NIPA1: variants seen among roughly 807,000 people sequenced by gnomAD.
NIPA1 encodes the protein magnesium transporter NIPA1.
Under a neutral mutation model 23.9 loss-of-function variants are expected in NIPA1, and 13 were observed. The ratio of observed to expected loss-of-function variants is 0.54; its 90% CI spans 0.35 to 0.87. The LOEUF (loss-of-function observed/expected upper bound fraction) is 0.87. Among genes scored for constraint, NIPA1 ranks in the 40% least tolerant of loss-of-function variants. The pLI is 0.01. For synonymous variants in NIPA1, 234 were observed against 202.9 expected (o/e 1.15, Z -1.30); for missense variants, 362 against 429.7 (o/e 0.84, Z 1.39).
intron 3 of NIPA1, 131 bp downstream of exon 3, chr15:22,812,384 G>GCTTA: frequency 1.4e-6 from 1 of 698,934 alleles, no homozygotes; most frequent in Non-Finnish European, 2.6e-6. Context: ...GGGCATGGTG[G>GCTTA]CTTACGCCTG....
intron 1 of NIPA1, among the ~76,000 whole-genome samples, chr15:22,809,122 C>T (rs1176474508): frequency 6.6e-6 from 1 of 152,120 alleles, no homozygotes; most frequent in Admixed American, 6.5e-5. Flanking sequence ...CACGGTGATT[C>T]ACTCCTGTAA....
At chr15:22,818,881 C>T (rs1895477586) in intron 3 of NIPA1, among the ~76,000 whole-genome samples, 2 of 152,178 alleles carry the variant, frequency 1.3e-5, no homozygotes, top group Non-Finnish European at 2.9e-5. Context: ...CCTCGTGGCT[C>T]ATACTGTCCA....
At chr15:22,797,597 C>T (rs1329365905) in intron 1 of NIPA1, among the ~76,000 whole-genome samples, 1 of 145,422 alleles carries the variant, frequency 6.9e-6, no homozygotes, top group Non-Finnish European at 1.5e-5. Context: ...CTTCCACCTC[C>T]CGTTCAAGCA....
rs8025849 is a variant in NIPA1 at position 22,825,211 on chromosome 15, C to T, written c.*972C>T. On this transcript the variant is annotated 3_prime_UTR_variant, in exon 5 of 5. Transcript: ENST00000337435. ...GCCACACACCTGTACAGCATGTGAC[C>T]GCACTGAATACCGCAGGCAATTGTA... 0.65 allele frequency: 99,400 copies of T among 152,038 alleles called. 33,723 individuals are homozygous for T. Among genetic ancestry groups the T allele is most frequent in the South Asian group, 0.84 (4,054 of 4,826 alleles). The allele number at this position is 152,038 out of a possible 1,614,324, so 9.4% of individuals were successfully genotyped here.
rs1210093703 is a variant in NIPA1 at position 22,823,664 on chromosome 15, C to A, written c.479-64C>A. On this transcript the variant is annotated intron_variant, in intron 4 of 4. Transcript: ENST00000337435. ...GTGGGGGCCCGGGTGCTGCCCCAGT[C>A]CACCTCCTGGGTTGCGGCTGCTAGG... 3.3e-6 allele frequency: 5 copies of A among 1,523,748 alleles called. No individual in the cohort carries two copies. In the South Asian group the frequency reaches 5.9e-5, roughly 18 times the overall value. The allele number at this position is 1,523,748 out of a possible 1,614,324, so 94.4% of individuals were successfully genotyped here. A position where few individuals can be genotyped will look rare whatever the true frequency, so the allele number is the denominator to read the frequency against.
intron 1 of NIPA1, among the ~76,000 whole-genome samples, chr15:22,787,470 C>T (rs1894733391): frequency 6.6e-6 from 1 of 152,250 alleles, no homozygotes. Context: ...AAGTGATCTT[C>T]AGTTTGGAGA....
intron 1 of NIPA1, among the ~76,000 whole-genome samples, chr15:22,802,949 A>G (rs1045958006): frequency 3.3e-5 from 5 of 151,622 alleles, no homozygotes; most frequent in African/African-American, 4.8e-5. Context: ...CCTGTTGATG[A>G]ACTTTTTTTT....
At chr15:22,817,521 G>C (rs1357557216) in intron 3 of NIPA1, among the ~76,000 whole-genome samples, 1 of 135,758 alleles carries the variant, frequency 7.4e-6, no homozygotes, top group Non-Finnish European at 1.6e-5. Flanking sequence ...AAAAAATTAC[G>C]GCTGGGCACA....
intron 1 of NIPA1, among the ~76,000 whole-genome samples, chr15:22,795,949 T>TA (rs1555372208): frequency 6.6e-6 from 1 of 152,052 alleles, no homozygotes; most frequent in Admixed American, 6.6e-5. Flanking sequence ...ATTTTTTTTT[T>TA]AAGACAGGGT....
chr15:22,805,009 T>G (rs889212601), intron 1 of NIPA1, among the ~76,000 whole-genome samples: 4 of 151,848 alleles, frequency 2.6e-5, no homozygotes, highest in African/African-American at 4.8e-5. Flanking sequence ...CCTGGCTAAT[T>G]TTTTGCATTT....
chr15:22,787,894 T>A (rs1378424197), intron 1 of NIPA1, among the ~76,000 whole-genome samples: 1 of 152,186 alleles, frequency 6.6e-6, no homozygotes, highest in East Asian at 1.9e-4. Flanking sequence ...AATGAAAATA[T>A]AAAATCATGG....
chr15:22,819,851 T>G (rs1402652986), intron 3 of NIPA1, among the ~76,000 whole-genome samples: 1 of 152,190 alleles, frequency 6.6e-6, no homozygotes, highest in East Asian at 1.9e-4. Context: ...AATATAGTGG[T>G]GTAAATTATG....
intron 1 of NIPA1, among the ~76,000 whole-genome samples, chr15:22,798,303 G>A (rs1369128274): frequency 2.8e-5 from 4 of 143,066 alleles, no homozygotes; most frequent in African/African-American, 1.0e-4. Flanking sequence ...GCAGTGGCGC[G>A]ATCTCAGCTC....
Position 22,820,392 on chromosome 15 carries a change from T to C in NIPA1, c.397T>C (p.Ser133Pro). The C allele has an allele frequency of 6.2e-7, 1 of 1,610,476 alleles. No homozygotes were observed. Among genetic ancestry groups the C allele is most frequent in the Non-Finnish European group, 8.5e-7 (1 of 1,176,608 alleles). Residue 133 changes from serine to proline, a missense_variant, in exon 4 of 5, where the codon TCC becomes CCC. By Grantham distance (74) the Ser-to-Pro change is moderately conservative. Coordinates refer to ENST00000337435, the MANE Select transcript of NIPA1 (RefSeq NM_144599.5). ...GGGGTGCCTGCTAAGCTGTGCAGGC[T>C]CCGTCGTGCTGATTATCCACTCCCC... ...KLGCLLSCAG[S>P]VVLIIHSPKS...
chr15:22,798,084 T>G (rs1213653162), intron 1 of NIPA1, among the ~76,000 whole-genome samples: 1 of 151,508 alleles, frequency 6.6e-6, no homozygotes, highest in Non-Finnish European at 1.5e-5. Flanking sequence ...CCTTACCTTG[T>G]GATCCCCCCG....
At chr15:22,797,548 C>T (rs975320503) in intron 1 of NIPA1, among the ~76,000 whole-genome samples, 2 of 134,958 alleles carry the variant, frequency 1.5e-5, no homozygotes, top group African/African-American at 6.1e-5. Context: ...GCTCGTTTCC[C>T]AGGCCAGAGT....
At chr15:22,809,947 G>A (rs1019713805) in intron 1 of NIPA1, among the ~76,000 whole-genome samples, 1 of 152,222 alleles carries the variant, frequency 6.6e-6, no homozygotes, top group African/African-American at 2.4e-5. Context: ...GGAGGGTGAG[G>A]CAGGAGAATC....
At chr15:22,808,893 C>T (rs1895266407) in intron 1 of NIPA1, among the ~76,000 whole-genome samples, 1 of 152,002 alleles carries the variant, frequency 6.6e-6, no homozygotes, top group African/African-American at 2.4e-5. Flanking sequence ...TGACCTTGAA[C>T]TCCTAGGCTC....
At position 22,814,281 on chromosome 15, in the gene NIPA1, G is replaced by A. The variant is rs563789317; in HGVS notation, c.317+2028G>A. The A allele has an allele frequency of 9.6e-5, 27 of 280,734 alleles. 1 individual carries two copies. The highest frequency in any genetic ancestry group is 6.8e-4 in the Admixed American group (17 of 25,078). 17.4% of individuals were successfully genotyped at this position (280,734 alleles called of 1,614,324 possible). ...TTTTTTTTGTTTTTTTTTTTGAGAC[G>A]GAGTCTCGCTCTGTCGCCCAGGCTG... On this transcript the variant is annotated intron_variant, in intron 3 of 4. Coordinates refer to ENST00000337435, the MANE Select transcript of NIPA1 (RefSeq NM_144599.5).
Sources: allele counts gnomAD v4.1 joint callset (sites outside exome capture counted in the v4.1 genomes callset), GRCh38; gene constraint gnomAD v4.1.1; transcripts MANE v1.5; gene names NCBI Gene and HGNC (gene_info 2026-07-23, HGNC 2026-07-21).